CSNK2B: variants seen among roughly 807,000 people sequenced by gnomAD.
The protein encoded by CSNK2B is casein kinase 2 beta.
CSNK2B carries 2 observed loss-of-function variants against 28.8 expected under a neutral mutation model. The observed-to-expected ratio is 0.07, with a 90% CI of 0.03 to 0.22. The LOEUF (loss-of-function observed/expected upper bound fraction) is 0.22. CSNK2B is among the 10% of genes least tolerant of loss of function. The probability of loss-of-function intolerance (pLI) is 1.00; values close to 1 mark genes in which losing one functional copy is unlikely to be tolerated. For missense variants in CSNK2B, 107 were observed against 277.9 expected (o/e 0.39, Z 4.37); for synonymous variants, 89 against 96.1 (o/e 0.93, Z 0.43).
rs147504693 is a variant in CSNK2B, at chr6:31,668,143, T to G, written c.175+173T>G. The G allele has an allele frequency of 7.5e-6, 5 of 667,970 alleles. No individual in the cohort carries two copies. In the East Asian group the frequency reaches 8.1e-5, roughly 11 times the overall value. The allele number at this position is 667,970 out of a possible 1,614,324, so 41.4% of individuals were successfully genotyped here. On this transcript the variant is annotated intron_variant, in intron 3 of 6. Transcript: ENST00000375882. ...CTCTTGTCTAGTTTTGTGACGTATA[T>G]CACTTGTTCTCATGTTTTCTAAATC... is the stretch of plus-strand genomic sequence containing the variant.
In CSNK2B at chr6:31,669,206, G is replaced by C; in HGVS notation, c.367+34G>C. On this transcript the variant is annotated intron_variant, in intron 5 of 6. Coordinates refer to ENST00000375882, the MANE Select transcript of CSNK2B (RefSeq NM_001320.7). This position sits in a 1 kb window ranked among gnomAD's most constrained non-coding sequence, Gnocchi z 4.8. ...TGAAGAAGGGAAAGGAAAGCACCGT[G>C]TGGCAGTCTTATGGGAAGGAGTTGG... The C allele has an allele frequency of 1.2e-6, 2 of 1,608,560 alleles. No homozygotes were observed. Among genetic ancestry groups the C allele is most frequent in the Non-Finnish European group, 1.7e-6 (2 of 1,175,060 alleles).
rs1801669324 is a variant in CSNK2B at position 31,666,146 on chromosome 6, G to T, written c.-74G>T. On this transcript the variant is annotated 5_prime_UTR_variant, in exon 1 of 7. Coordinates refer to ENST00000375882, the MANE Select transcript of CSNK2B (RefSeq NM_001320.7). Reference sequence around the variant, plus strand: ...GTCCGCGGCCTGCGCTGTAGCGGTCGCCGCCGTTCCCTGGAAGTAGCAACT... The same window carrying T: ...GTCCGCGGCCTGCGCTGTAGCGGTCTCCGCCGTTCCCTGGAAGTAGCAACT... 1 of 990,928 alleles carries T rather than the reference G, an allele frequency of 1.0e-6. No homozygotes were observed. Among genetic ancestry groups the T allele is most frequent in the Non-Finnish European group, 1.2e-6 (1 of 832,496 alleles). The allele number at this position is 990,928 out of a possible 1,614,324, so 61.4% of individuals were successfully genotyped here. A position where few individuals can be genotyped will look rare whatever the true frequency, so the allele number is the denominator to read the frequency against.
rs752579315 is a variant in CSNK2B at position 31,669,467 on chromosome 6, C to T, written c.516C>T (p.Pro172=). 1.2e-5 allele frequency: 19 copies of T among 1,612,848 alleles called. No individual in the cohort carries two copies. Among genetic ancestry groups the T allele is most frequent in the South Asian group, 2.2e-5 (2 of 91,084 alleles). The change falls in exon 6 of 7, where the codon CCC becomes CCT. Residue 172 remains proline, a synonymous_variant. Coordinates refer to ENST00000375882, the MANE Select transcript of CSNK2B (RefSeq NM_001320.7). The surrounding 1 kb of genome is among the most constrained non-coding windows in gnomAD (Gnocchi z 4.8). ...CTCACATGCTCTTCATGGTGCATCCCGAGTACCGGCCCAAGAGACCTGCCA... is the reference window on the plus strand; with the variant it reads ...CTCACATGCTCTTCATGGTGCATCCTGAGTACCGGCCCAAGAGACCTGCCA... The part of the protein sequence containing the change: ...GFPHMLFMVH[P]EYRPKRPANQ...
Position 31,669,283 on chromosome 6 carries a change from G to A in CSNK2B, c.368-36G>A, listed in dbSNP as rs376337507. ...TGAGGGGAGGTTAGGTAGGAATAGG[G>A]GGATACCTGGCCTGCTGAGTCTGGC... On this transcript the variant is annotated intron_variant, in intron 5 of 6. Transcript: ENST00000375882. This position sits in a 1 kb window ranked among gnomAD's most constrained non-coding sequence, Gnocchi z 4.8. 6.2e-7 allele frequency: 1 copy of A among 1,605,994 alleles called. No individual in the cohort carries two copies. Among genetic ancestry groups the A allele is most frequent in the African/African-American group, 1.3e-5 (1 of 74,880 alleles).
At position 31,669,452 on chromosome 6, in the gene CSNK2B, C is replaced by G; in HGVS notation, c.501C>G (p.Leu167=). 1.2e-6 allele frequency: 2 copies of G among 1,613,750 alleles called. No homozygotes were observed. The highest frequency in any genetic ancestry group is 1.7e-6 in the Non-Finnish European group (2 of 1,180,030). The change falls in exon 6 of 7, where the codon CTC becomes CTG. Residue 167 remains leucine, a synonymous_variant. Transcript: ENST00000375882. The surrounding 1 kb of genome is among the most constrained non-coding windows in gnomAD (Gnocchi z 4.8). ...AYFGTGFPHM[L]FMVHPEYRPK... ...TCGGCACTGGTTTCCCTCACATGCTCTTCATGGTGCATCCCGAGTACCGGC... is the reference window on the plus strand; with the variant it reads ...TCGGCACTGGTTTCCCTCACATGCTGTTCATGGTGCATCCCGAGTACCGGC...
At chr6:31,666,789 C>T in intron 1 of CSNK2B, 32 bp from the exon 2 acceptor site, 2 of 1,574,006 alleles carry the variant, frequency 1.3e-6, no homozygotes, top group East Asian at 2.2e-5. Flanking sequence ...GGAAGGAGAA[C>T]TTGAGCTTTA....
chr6:31,669,389 C>T lies in CSNK2B; in HGVS notation c.438C>T (p.Pro146=), dbSNP rs1160302469. ...CCAAGTGCATGGATGTGTACACACC[C>T]AAGTCATCAAGACACCATCACACGG... is the stretch of plus-strand genomic sequence containing the variant. ...YCPKCMDVYT[P]KSSRHHHTDG... The change falls in exon 6 of 7, where the codon CCC becomes CCT. Residue 146 remains proline (P), a synonymous_variant. Coordinates refer to ENST00000375882, the MANE Select transcript of CSNK2B (RefSeq NM_001320.7). The surrounding 1 kb of genome is among the most constrained non-coding windows in gnomAD (Gnocchi z 4.8). 5.0e-6 allele frequency: 8 copies of T among 1,614,056 alleles called. No homozygotes were observed. Among genetic ancestry groups the T allele is most frequent in the Non-Finnish European group, 5.9e-6 (7 of 1,180,038 alleles).
chr6:31,666,160 G>A lies in CSNK2B; in HGVS notation c.-60G>A, dbSNP rs1049205319. 4.0e-6 allele frequency: 4 copies of A among 990,122 alleles called. No homozygotes were observed. In the African/African-American group the frequency reaches 7.0e-5, roughly 17 times the overall value. 61.3% of individuals were successfully genotyped at this position (990,122 alleles called of 1,614,324 possible). A position where few individuals can be genotyped will look rare whatever the true frequency, so the allele number is the denominator to read the frequency against. On this transcript the variant is annotated 5_prime_UTR_variant, in exon 1 of 7. Coordinates refer to ENST00000375882, the MANE Select transcript of CSNK2B (RefSeq NM_001320.7). The stretch of plus-strand genomic sequence containing the variant: ...CTGTAGCGGTCGCCGCCGTTCCCTG[G>A]AAGTAGCAACTTCCCTACCCCACCC...
chr6:31,668,613 C>A lies in CSNK2B; in HGVS notation c.250C>A (p.His84Asn). The A allele has an allele frequency of 6.2e-7, 1 of 1,613,050 alleles. No homozygotes were observed. Among genetic ancestry groups the A allele is most frequent in the Non-Finnish European group, 8.5e-7 (1 of 1,180,026 alleles). The change falls in exon 4 of 7, where the codon CAC becomes AAC. Residue 84 changes from histidine (H) to asparagine (N), a missense_variant. His to Asn is a moderately conservative substitution (Grantham distance 68, BLOSUM62 1). Coordinates refer to ENST00000375882, the MANE Select transcript of CSNK2B (RefSeq NM_001320.7). Reference protein sequence around the residue: ...QAAEMLYGLIHARYILTNRGI... With the variant: ...QAAEMLYGLINARYILTNRGI... ...AGCCGAGATGCTTTATGGATTGATC[C>A]ACGCCCGCTACATCCTTACCAACCG...
chr6:31,668,703 C>T (rs769918730), intron 4 of CSNK2B, 49 bp downstream of exon 4: 6 of 1,502,636 alleles, frequency 4.0e-6, no homozygotes, highest in Non-Finnish European at 5.6e-6. Flanking sequence ...GTAAGAGACA[C>T]AGGTTCCTGC....
Position 31,666,119 on chromosome 6 carries a change from G to C in CSNK2B, c.-101G>C, listed in dbSNP as rs1801662450. The C allele has an allele frequency of 7.0e-6, 7 of 994,108 alleles. No individual in the cohort carries two copies. The highest frequency in any genetic ancestry group is 3.5e-5 in the African/African-American group (2 of 57,240). The allele number at this position is 994,108 out of a possible 1,614,324, so 61.6% of individuals were successfully genotyped here. A position where few individuals can be genotyped will look rare whatever the true frequency, so the allele number is the denominator to read the frequency against. On this transcript the variant is annotated 5_prime_UTR_variant, in exon 1 of 7. Transcript: ENST00000375882. ...CCACCCCACTTCGCCTGCCGCGGTC[G>C]GGTCCGCGGCCTGCGCTGTAGCGGT...
Position 31,669,552 on chromosome 6 carries a change from A to C in CSNK2B, c.557+44A>C. On this transcript the variant is annotated intron_variant, in intron 6 of 6. Coordinates refer to ENST00000375882, the MANE Select transcript of CSNK2B (RefSeq NM_001320.7). This position sits in a 1 kb window ranked among gnomAD's most constrained non-coding sequence, Gnocchi z 4.8. ...CATTAAGGGTCAAAGGAAAGGCCCAAGATCCCCCAGAGAGGGGAGGACAGG... is the reference window on the plus strand; with the variant it reads ...CATTAAGGGTCAAAGGAAAGGCCCACGATCCCCCAGAGAGGGGAGGACAGG... 1 of 1,577,860 alleles carries C rather than the reference A, an allele frequency of 6.3e-7. No individual in the cohort carries two copies. The highest frequency in any genetic ancestry group is 8.6e-7 in the Non-Finnish European group (1 of 1,165,904).
chr6:31,667,831 T>C (rs753613987), intron 2 of CSNK2B, 37 bp from the exon 3 acceptor site: 1 of 1,268,800 alleles, frequency 7.9e-7, no homozygotes, highest in Admixed American at 2.6e-5. Context: ...ATGAGGATTT[T>C]GATATGGGTT....
At position 31,666,191 on chromosome 6, in the gene CSNK2B, C is replaced by G. The variant is rs906170252; in HGVS notation, c.-29C>G. ...GCAACTTCCCTACCCCACCCCAGTC[C>G]TGGTCCCCGTCCAGCCGGTGAGTCT... On this transcript the variant is annotated 5_prime_UTR_variant, in exon 1 of 7. Transcript: ENST00000375882. The G allele has an allele frequency of 5.0e-6, 5 of 992,982 alleles. No homozygotes were observed. In the African/African-American group the frequency reaches 5.2e-5, roughly 10 times the overall value. 61.5% of individuals were successfully genotyped at this position (992,982 alleles called of 1,614,324 possible). A position where few individuals can be genotyped will look rare whatever the true frequency, so the allele number is the denominator to read the frequency against.
Position 31,668,566 on chromosome 6 carries a change from A to C in CSNK2B, c.203A>C (p.Gln68Pro). 1 of 1,613,096 alleles carries C rather than the reference A, an allele frequency of 6.2e-7. No homozygotes were observed. The highest frequency in any genetic ancestry group is 8.5e-7 in the Non-Finnish European group (1 of 1,180,038). Residue 68 changes from glutamine (Q) to proline (P), a missense_variant, in exon 4 of 7, where the codon CAG (glutamine) becomes CCG (proline). Transcript: ENST00000375882. The stretch of plus-strand genomic sequence containing the variant: ...GAAGAACTGGAAGACAACCCCAACC[A>C]GAGTGACCTGATTGAGCAGGCAGCC... Reference protein sequence around the residue: ...PDEELEDNPNQSDLIEQAAEM... With the variant: ...PDEELEDNPNPSDLIEQAAEM...
intron 1 of CSNK2B, 185 bp from the exon 2 acceptor site, chr6:31,666,636 C>T (rs1345283208): frequency 3.3e-6 from 2 of 598,626 alleles, no homozygotes; most frequent in Non-Finnish European, 3.0e-6. Flanking sequence ...GAATGTTTAA[C>T]TTCAAAGAAA....
At chr6:31,667,227 G>A (rs943278255) in intron 2 of CSNK2B, 8 of 511,772 alleles carry the variant, frequency 1.6e-5, no homozygotes, top group Non-Finnish European at 3.0e-5. Flanking sequence ...TGCCTCCCAG[G>A]TTCAAGCGAT....
At chr6:31,668,106 T>C in intron 3 of CSNK2B, 136 bp downstream of exon 3, 1 of 716,956 alleles carries the variant, frequency 1.4e-6, no homozygotes, top group Non-Finnish European at 2.5e-6. Context: ...TTTATTTTGA[T>C]CCTCCACCTG....
At chr6:31,667,766 G>A (rs1801879657) in intron 2 of CSNK2B, 102 bp from the exon 3 acceptor site, 1 of 570,092 alleles carries the variant, frequency 1.8e-6, no homozygotes, top group Non-Finnish European at 3.0e-6. Context: ...AAGCACAACA[G>A]ATGCAGTTGT....
Sources: gnomAD v4.1 joint callset for allele counts on GRCh38, gnomAD v4.1.1 for gene constraint, Gnocchi (gnomAD v3.1) non-coding constraint, MANE v1.5 for transcripts, NCBI Gene and HGNC (gene_info 2026-07-23, HGNC 2026-07-21) for gene names.